TMEM237: variants seen among roughly 807,000 people sequenced by gnomAD.
TMEM237 encodes amyotrophic lateral sclerosis 2 (juvenile) chromosome region, candidate 4.
Under a neutral mutation model 59.1 loss-of-function variants are expected in TMEM237, and 51 were observed. The observed-to-expected ratio is 0.86, with a 90% CI of 0.69 to 1.09. TMEM237 has a LOEUF of 1.09. Among genes scored for constraint, TMEM237 ranks in the 50% least tolerant of loss-of-function variants. The probability of loss-of-function intolerance (pLI) is 0.00; values close to 1 mark genes in which losing one functional copy is unlikely to be tolerated. For missense variants in TMEM237, 475 were observed against 478.3 expected (o/e 0.99, Z 0.06); for synonymous variants, 140 against 166.1 (o/e 0.84, Z 1.21).
In TMEM237 at chr2:201,623,348, T is replaced by C; in HGVS notation, c.*907A>G. On this transcript the variant is annotated 3_prime_UTR_variant, in exon 13 of 13. Coordinates refer to ENST00000409883, the MANE Select transcript of TMEM237 (RefSeq NM_001044385.3). ...CATTGGATATAGTTCTGAAGAGATC[T>C]TTCCCAGTGCAGGACCCATCTCAAG... The C allele has an allele frequency of 3.8e-6, 1 of 261,948 alleles. No homozygotes were observed. The highest frequency in any genetic ancestry group is 8.0e-6 in the Non-Finnish European group (1 of 125,686). The allele number at this position is 261,948 out of a possible 1,614,324, so 16.2% of individuals were successfully genotyped here. A position where few individuals can be genotyped will look rare whatever the true frequency, so the allele number is the denominator to read the frequency against.
intron 5 of TMEM237, chr2:201,636,245 T>C (rs1687295597): frequency 6.6e-6 from 1 of 152,608 alleles, no homozygotes; most frequent in South Asian, 2.1e-4. Flanking sequence ...TCTATGCTCC[T>C]ATGAGCAAAG....
At position 201,642,978 on chromosome 2, in the gene TMEM237, T is replaced by G. The variant is rs112265006; in HGVS notation, c.42+381A>C. The G allele has an allele frequency of 4.7e-4, 605 of 1,300,496 alleles. 1 individual carries two copies. The African/African-American group carries it at 8.4e-3, about 18-fold the overall frequency. 80.6% of individuals were successfully genotyped at this position (1,300,496 alleles called of 1,614,324 possible). The stretch of plus-strand genomic sequence containing the variant: ...TGACGGAAGACCTTAATTAAAGGAC[T>G]CCGCAGGCGAACAGATCTCTTCTGG... On this transcript the variant is annotated intron_variant, in intron 1 of 12. Coordinates refer to ENST00000409883, the MANE Select transcript of TMEM237 (RefSeq NM_001044385.3).
At chr2:201,640,985 A>G in intron 1 of TMEM237, 61 bp from the exon 2 acceptor site, 1 of 1,476,152 alleles carries the variant, frequency 6.8e-7, no homozygotes, top group Non-Finnish European at 9.2e-7. Flanking sequence ...TACTTCAAAT[A>G]CCATCACGCT....
intron 1 of TMEM237, among the ~76,000 whole-genome samples, chr2:201,641,798 GTT>G (rs1371294186): frequency 3.3e-5 from 5 of 152,088 alleles, no homozygotes; most frequent in Admixed American, 2.6e-4. Context: ...GTTTCTCTGA[GTT>G]TGAGCTGAGA....
At chr2:201,640,306 A>G in intron 2 of TMEM237, 41 bp from the exon 3 acceptor site, 1 of 1,533,880 alleles carries the variant, frequency 6.5e-7, no homozygotes, top group Non-Finnish European at 8.7e-7. Context: ...AATCAGCAGG[A>G]CAAAGACAAA....
chr2:201,632,345 G>C, intron 6 of TMEM237, 137 bp from the exon 7 acceptor site: 3 of 917,676 alleles, frequency 3.3e-6, no homozygotes, highest in Non-Finnish European at 3.3e-6. Context: ...CAAATAAATC[G>C]GTTATTAACT....
chr2:201,640,402 A>G, intron 2 of TMEM237, 137 bp from the exon 3 acceptor site: 1 of 832,916 alleles, frequency 1.2e-6, no homozygotes, highest in Non-Finnish European at 1.7e-6. Context: ...ATTAGCTTTC[A>G]CATAATAGCT....
At chr2:201,640,224 G>A in intron 3 of TMEM237, 37 bp downstream of exon 3, 1 of 1,525,762 alleles carries the variant, frequency 6.6e-7, no homozygotes, top group African/African-American at 1.4e-5. Context: ...ACTAATTTTT[G>A]AACACCAAAT....
chr2:201,639,534 A>G (rs943373220), intron 3 of TMEM237, among the ~76,000 whole-genome samples: 12 of 152,170 alleles, frequency 7.9e-5, no homozygotes. Flanking sequence ...AGTGGCTCAC[A>G]CCTGTAATCC....
intron 6 of TMEM237, among the ~76,000 whole-genome samples, chr2:201,632,882 T>G (rs1006224340): frequency 6.6e-6 from 1 of 152,204 alleles, no homozygotes; most frequent in African/African-American, 2.4e-5. Context: ...GTTATTTCTT[T>G]AAAGTACACT....
chr2:201,640,996 A>ATT (rs370408283), intron 1 of TMEM237, 72 bp from the exon 2 acceptor site: 2,152 of 1,069,190 alleles, frequency 2.0e-3, no homozygotes, highest in South Asian at 2.8e-3. Flanking sequence ...CCATCACGCT[A>ATT]TTTTTTTTTT....
intron 2 of TMEM237, among the ~76,000 whole-genome samples, chr2:201,640,468 A>C (rs1195732970): frequency 2.0e-5 from 3 of 152,204 alleles, no homozygotes; most frequent in Non-Finnish European, 4.4e-5. Flanking sequence ...ACTGCTAATA[A>C]AATAATGTCA....
chr2:201,621,597 A>C lies in TMEM237; in HGVS notation c.*2658T>G, dbSNP rs1191806129. 6.6e-6 allele frequency: 1 copy of C among 152,632 alleles called. No homozygotes were observed. The highest frequency in any genetic ancestry group is 1.5e-5 in the Non-Finnish European group (1 of 68,038). 9.5% of individuals were successfully genotyped at this position (152,632 alleles called of 1,614,324 possible). A position where few individuals can be genotyped will look rare whatever the true frequency, so the allele number is the denominator to read the frequency against. On this transcript the variant is annotated 3_prime_UTR_variant, in exon 13 of 13. Coordinates refer to ENST00000409883, the MANE Select transcript of TMEM237 (RefSeq NM_001044385.3). ...ACAGAAAAAAAGCGAATCCCATAAA[A>C]TTACATACTGTATGATTCAATTTAT...
intron 12 of TMEM237, among the ~76,000 whole-genome samples, chr2:201,625,012 T>C (rs1167208387): frequency 6.6e-6 from 1 of 152,018 alleles, no homozygotes; most frequent in Admixed American, 6.6e-5. Flanking sequence ...GGCAGATAGG[T>C]TGTAAATAGT....
At chr2:201,639,509 T>C (rs988620985) in intron 3 of TMEM237, among the ~76,000 whole-genome samples, 5 of 152,088 alleles carry the variant, frequency 3.3e-5, no homozygotes, top group Non-Finnish European at 5.9e-5. Context: ...GTAGCCTAGA[T>C]TGCAGACCAG....
At chr2:201,637,342 C>T (rs1219808918) in intron 4 of TMEM237, among the ~76,000 whole-genome samples, 4 of 152,152 alleles carry the variant, frequency 2.6e-5, no homozygotes, top group African/African-American at 9.7e-5. Flanking sequence ...ATTTATAAGT[C>T]TCTTCATTTG....
In TMEM237 at chr2:201,629,354, C is replaced by T. The variant is rs918207196; in HGVS notation, c.745G>A (p.Val249Ile). ...TTGGATAGCTGATCTCCTGCTAGAA[C>T]ATATATCACAACAATATTCCACACA... ...CAVWNIVVIY[V>I]LAGDQLSNLS... is the part of the protein sequence containing the mutation. The change falls in exon 9 of 13, where the codon GTT becomes ATT. Residue 249 changes from valine to isoleucine, a missense_variant. Val to Ile is a conservative substitution (Grantham distance 29). Transcript: ENST00000409883. 6.2e-7 allele frequency: 1 copy of T among 1,610,000 alleles called. No individual in the cohort carries two copies.
chr2:201,643,274 G>GCCCCCCCCCC lies in TMEM237; in HGVS notation c.42+84_42+85insGGGGGGGGGG. Reference sequence around the variant, plus strand: ...CCTTAGTGATTCCCAGCTCGTTGGCGCCCCCCCACACACACCCACCCCCAC... The same window carrying GCCCCCCCCCC: ...CCTTAGTGATTCCCAGCTCGTTGGCGCCCCCCCCCCCCCCCCCACACACACCCACCCCCAC... On this transcript the variant is annotated intron_variant, in intron 1 of 12. Transcript: ENST00000409883. The surrounding 1 kb of genome is among the most constrained non-coding windows in gnomAD (Gnocchi z 4.3). 3 of 1,206,754 alleles carry GCCCCCCCCCC rather than the reference G, an allele frequency of 2.5e-6. No individual in the cohort carries two copies. The highest frequency in any genetic ancestry group is 2.8e-5 in the East Asian group (1 of 35,372). 74.8% of individuals were successfully genotyped at this position (1,206,754 alleles called of 1,614,324 possible). A position where few individuals can be genotyped will look rare whatever the true frequency, so the allele number is the denominator to read the frequency against.
At position 201,620,666 on chromosome 2, in the gene TMEM237, G is replaced by T. The variant is rs1054234265; in HGVS notation, c.*3589C>A. The T allele has an allele frequency of 1.3e-5, 2 of 152,228 alleles. No homozygotes were observed. The highest frequency in any genetic ancestry group is 4.8e-5 in the African/African-American group (2 of 41,452). 9.4% of individuals were successfully genotyped at this position (152,228 alleles called of 1,614,324 possible). A position where few individuals can be genotyped will look rare whatever the true frequency, so the allele number is the denominator to read the frequency against. On this transcript the variant is annotated 3_prime_UTR_variant, in exon 13 of 13. Coordinates refer to ENST00000409883, the MANE Select transcript of TMEM237 (RefSeq NM_001044385.3). ...TTGGACAGGGAGTTGCTGGGCAAAT[G>T]TCCTCATAGAAGTATTTTTTGTGTG... is the stretch of plus-strand genomic sequence containing the variant.
Sources: allele counts gnomAD v4.1 joint callset (sites outside exome capture counted in the v4.1 genomes callset), GRCh38; gene constraint gnomAD v4.1.1; non-coding constraint Gnocchi (gnomAD v3.1); transcripts MANE v1.5; gene names NCBI Gene and HGNC (gene_info 2026-07-23, HGNC 2026-07-21).